Variants in TRANK1 observed in about 807,000 individuals in gnomAD.
TRANK1 encodes the protein TPR and ankyrin repeat-containing protein 1.
TRANK1 carries 198 observed loss-of-function variants against 266.0 expected under a neutral mutation model. The ratio of observed to expected loss-of-function variants is 0.74; its 90% CI spans 0.66 to 0.84. The LOEUF (loss-of-function observed/expected upper bound fraction) is 0.84, where lower values mean the gene tolerates loss of function less well. Ranked by LOEUF, TRANK1 falls within the 40% of genes least tolerant of loss-of-function variation. TRANK1 has a pLI of 0.00. For synonymous variants in TRANK1, 1,396 were observed against 1,384.1 expected, an observed-to-expected ratio of 1.01 and a Z score of -0.19; for missense variants, 3,326 against 3,634.6, an observed-to-expected ratio of 0.92 and a Z score of 2.18.
intron 1 of TRANK1, among the ~76,000 whole-genome samples, chr3:36,933,275 T>C (rs1274687445): frequency 3.3e-5 from 5 of 152,254 alleles, no homozygotes; most frequent in African/African-American, 1.2e-4. Flanking sequence ...CAGGCGCACT[T>C]GCTTCAGGAA....
rs954543933 is a variant in TRANK1, at chr3:36,892,334, C to T, written c.643G>A (p.Val215Ile). 66 of 1,536,626 alleles carry T rather than the reference C, an allele frequency of 4.3e-5. No individual in the cohort carries two copies. The highest frequency in any genetic ancestry group is 1.9e-4 in the African/African-American group (14 of 73,084). The change falls in exon 7 of 24, where the codon GTT becomes ATT. Residue 215 changes from valine to isoleucine, a missense_variant. Coordinates refer to ENST00000645898, the MANE Select transcript of TRANK1 (RefSeq NM_001329998.2). ...LSLKSLFEKYVFIGLYEKMEQ... is the reference protein window; with the variant it reads ...LSLKSLFEKYIFIGLYEKMEQ... ...ATCTTCTCATAAAGTCCAATGAAAA[C>T]GTATTTCTGGGGAAAAAAAACACAC... is the stretch of plus-strand genomic sequence containing the variant.
intron 1 of TRANK1, among the ~76,000 whole-genome samples, chr3:36,938,363 C>T (rs917719128): frequency 7.2e-5 from 11 of 151,952 alleles, no homozygotes; most frequent in Non-Finnish European, 1.2e-4. Flanking sequence ...GGATTACAGG[C>T]GCCCGCCACC....
intron 1 of TRANK1, among the ~76,000 whole-genome samples, chr3:36,932,917 A>G (rs2080378899): frequency 6.6e-6 from 1 of 152,254 alleles, no homozygotes; most frequent in African/African-American, 2.4e-5. Context: ...ACAGAATCAT[A>G]TAAATAGAAA....
At position 36,827,655 on chromosome 3, in the gene TRANK1, C is replaced by T. The variant is rs2078646512; in HGVS notation, c.*620G>A. The stretch of plus-strand genomic sequence containing the variant: ...TGGCACAGGTAGCTAAGAATGATCA[C>T]AAAAAACAGAAGAAGGGAAGGCAGA... On this transcript the variant is annotated 3_prime_UTR_variant, in exon 24 of 24. Coordinates refer to ENST00000645898, the MANE Select transcript of TRANK1 (RefSeq NM_001329998.2). 6.6e-6 allele frequency: 1 copy of T among 152,332 alleles called. No individual in the cohort carries two copies. 9.4% of individuals were successfully genotyped at this position (152,332 alleles called of 1,614,324 possible).
chr3:36,848,088 T>A (rs1367090984), intron 15 of TRANK1, among the ~76,000 whole-genome samples: 1 of 152,214 alleles, frequency 6.6e-6, no homozygotes, highest in Non-Finnish European at 1.5e-5. Flanking sequence ...ATAAATATTG[T>A]TATCATTGCG....
chr3:36,888,022 G>T (rs2125599963), intron 8 of TRANK1, among the ~76,000 whole-genome samples: 1 of 152,216 alleles, frequency 6.6e-6, no homozygotes, highest in East Asian at 1.9e-4. Context: ...TGGGAAAAAT[G>T]AAAACAAATG....
At chr3:36,924,078 T>A (rs143613772) in intron 1 of TRANK1, among the ~76,000 whole-genome samples, 127 of 152,288 alleles carry the variant, frequency 8.3e-4, no homozygotes, top group African/African-American at 2.8e-3. Flanking sequence ...GTCTTGGACA[T>A]TGCTAAATCA....
intron 15 of TRANK1, chr3:36,850,040 A>G: frequency 2.0e-6 from 2 of 985,454 alleles, no homozygotes; most frequent in South Asian, 4.7e-5. Flanking sequence ...TTTTTCTTTC[A>G]CAAATAGAGC....
At chr3:36,928,084 T>G (rs892118360) in intron 1 of TRANK1, among the ~76,000 whole-genome samples, 1 of 152,186 alleles carries the variant, frequency 6.6e-6, no homozygotes, top group African/African-American at 2.4e-5. Context: ...CCCACAGTAT[T>G]ACAACTGGAA....
At chr3:36,859,944 G>A in intron 11 of TRANK1, among the ~76,000 whole-genome samples, 1 of 152,236 alleles carries the variant, frequency 6.6e-6, no homozygotes, top group East Asian at 1.9e-4. Context: ...GGCACTTTGA[G>A]GGCTAAGGAT....
At chr3:36,944,732 G>A (rs1355578817) in intron 1 of TRANK1, 55 bp downstream of exon 1, 2 of 1,496,402 alleles carry the variant, frequency 1.3e-6, no homozygotes, top group African/African-American at 1.5e-5. Flanking sequence ...CGCCAGGAAG[G>A]GTGGCGGGCC....
chr3:36,879,624 AT>A, intron 8 of TRANK1, among the ~76,000 whole-genome samples: 1 of 105,530 alleles, frequency 9.5e-6, no homozygotes, highest in African/African-American at 4.8e-5. Flanking sequence ...ACAAATATAT[AT>A]AAATATATAT....
At chr3:36,940,360 C>A (rs1025672094) in intron 1 of TRANK1, among the ~76,000 whole-genome samples, 1 of 151,730 alleles carries the variant, frequency 6.6e-6, no homozygotes, top group Non-Finnish European at 1.5e-5. Context: ...ATTAGCCGGG[C>A]GTGGTGGCAG....
chr3:36,833,654 C>T lies in TRANK1; in HGVS notation c.5929G>A (p.Glu1977Lys). 1 of 1,613,970 alleles carries T rather than the reference C, an allele frequency of 6.2e-7. No individual in the cohort carries two copies. The highest frequency in any genetic ancestry group is 1.1e-5 in the South Asian group (1 of 91,086). ...LLMKQHGCLLEAARLTADKDF... is the reference protein window; with the variant it reads ...LLMKQHGCLLKAARLTADKDF... ...TTGTCGGCAGTGAGCCTGGCAGCCTCCAGGAGGCAGCCATGTTGCTTCATC... is the reference window on the plus strand; with the variant it reads ...TTGTCGGCAGTGAGCCTGGCAGCCTTCAGGAGGCAGCCATGTTGCTTCATC... Residue 1977 changes from glutamate (E) to lysine (K), a missense_variant, in exon 22 of 24, where the codon GAG becomes AAG. Glu to Lys is a moderately conservative substitution (Grantham distance 56). Coordinates refer to ENST00000645898, the MANE Select transcript of TRANK1 (RefSeq NM_001329998.2).
intron 1 of TRANK1, among the ~76,000 whole-genome samples, chr3:36,936,453 T>C (rs1235128602): frequency 6.6e-6 from 1 of 150,400 alleles, no homozygotes; most frequent in Non-Finnish European, 1.5e-5. Context: ...ACCACTGCAC[T>C]CCAGCCTGGG....
chr3:36,922,185 G>T lies in TRANK1; in HGVS notation c.24-13731C>A, dbSNP rs892541635. 3.3e-5 allele frequency among the ~76,000 whole-genome samples: 5 copies of T among 151,678 alleles called. No homozygotes were observed. The South Asian group carries it at 1.0e-3, about 32-fold the overall frequency. On this transcript the variant is annotated intron_variant, in intron 1 of 23. Coordinates refer to ENST00000645898, the MANE Select transcript of TRANK1 (RefSeq NM_001329998.2). ...TAATAATAAATAAAAAATGAAAGCA[G>T]GGCAATTAGCTCTGTGACAGTTACT...
At chr3:36,943,048 G>A (rs2080518723) in intron 1 of TRANK1, among the ~76,000 whole-genome samples, 1 of 152,054 alleles carries the variant, frequency 6.6e-6, no homozygotes, top group African/African-American at 2.4e-5. Flanking sequence ...AGGCTTGGTG[G>A]CGCCCCACCC....
At chr3:36,866,151 T>A (rs2079224936) in intron 9 of TRANK1, among the ~76,000 whole-genome samples, 1 of 151,776 alleles carries the variant, frequency 6.6e-6, no homozygotes, top group Non-Finnish European at 1.5e-5. Flanking sequence ...AATGACAAAT[T>A]TTTTTTATTA....
chr3:36,834,747 A>C lies in TRANK1; in HGVS notation c.5663+15T>G. On this transcript the variant is annotated intron_variant, in intron 21 of 23. Transcript: ENST00000645898. The stretch of plus-strand genomic sequence containing the variant: ...GAGGAAGAGAGGGAGAAAGGGAGAG[A>C]ATAAAACCACCTACTTTTCCACTGC... 1 of 1,608,124 alleles carries C rather than the reference A, an allele frequency of 6.2e-7. No homozygotes were observed. Among genetic ancestry groups the C allele is most frequent in the Non-Finnish European group, 8.5e-7 (1 of 1,178,004 alleles).
Sources: allele counts gnomAD v4.1 joint callset (sites outside exome capture counted in the v4.1 genomes callset), GRCh38; gene constraint gnomAD v4.1.1; transcripts MANE v1.5; gene names NCBI Gene and HGNC (gene_info 2026-07-23, HGNC 2026-07-21).